ME1: variants seen among roughly 807,000 people sequenced by gnomAD.
ME1 encodes malic enzyme 1.
Under a neutral mutation model 66.4 loss-of-function variants are expected in ME1, and 74 were observed. The ratio of observed to expected loss-of-function variants is 1.11; its 90% confidence interval spans 0.92 to 1.35. The LOEUF (loss-of-function observed/expected upper bound fraction) is 1.35, where lower values mean the gene tolerates loss of function less well. Among genes scored for constraint, ME1 ranks in the 40% most tolerant of loss-of-function variants. The pLI is 0.00. For synonymous variants in ME1, 251 were observed against 235.6 expected (o/e 1.07, Z -0.60); for missense variants, 750 against 694.1 (o/e 1.08, Z -0.90).
rs549935151 is a variant in ME1, at chr6:83,344,807, C to T, written c.600+1366G>A. On this transcript the variant is annotated intron_variant, in intron 5 of 13. Coordinates refer to ENST00000369705, the MANE Select transcript of ME1 (RefSeq NM_002395.6). ...CTGAGGCAGGAGAATCGCTTGAACC[C>T]GGGAGGCGGAGGTTGCAGTGAGCGG... Among the ~76,000 whole-genome samples, 15 of 151,736 alleles carry T rather than the reference C, an allele frequency of 9.9e-5. No homozygotes were observed. The East Asian group carries it at 2.1e-3, about 22-fold the overall frequency.
At chr6:83,365,931 T>C (rs569139121) in intron 3 of ME1, among the ~76,000 whole-genome samples, 14 of 152,308 alleles carry the variant, frequency 9.2e-5, no homozygotes, top group Admixed American at 2.6e-4. Context: ...TCAGTCTTCA[T>C]AGTCTCTTTG....
At chr6:83,395,219 C>G (rs1240690991) in intron 3 of ME1, among the ~76,000 whole-genome samples, 1 of 151,796 alleles carries the variant, frequency 6.6e-6, no homozygotes, top group East Asian at 1.9e-4. Context: ...TCCCTAGTAG[C>G]TGGGATTACA....
At chr6:83,315,446 A>T (rs1052644860) in intron 5 of ME1, 33 bp from the exon 6 acceptor site, 1 of 1,216,856 alleles carries the variant, frequency 8.2e-7, no homozygotes, top group South Asian at 1.3e-5. Context: ...AAATAGAAAT[A>T]ACTATAACCA....
Position 83,330,959 on chromosome 6 carries a change from A to G in ME1, c.600+15214T>C, listed in dbSNP as rs78717755. ...TGATGACTGGTATTCATTCCAATAC[A>G]GGATCACTTGTCTGAAGTGGCAAGG... is the stretch of plus-strand genomic sequence containing the variant. On this transcript the variant is annotated intron_variant, in intron 5 of 13. Coordinates refer to ENST00000369705, the MANE Select transcript of ME1 (RefSeq NM_002395.6). Among the ~76,000 whole-genome samples the G allele has an allele frequency of 5.3e-3, 801 of 152,322 alleles. 7 individuals are homozygous for G. Among genetic ancestry groups the G allele is most frequent in the African/African-American group, 0.018 (756 of 41,568 alleles).
intron 6 of ME1, among the ~76,000 whole-genome samples, chr6:83,287,012 G>A (rs1583358121): frequency 6.6e-6 from 1 of 152,130 alleles, no homozygotes; most frequent in South Asian, 2.1e-4. Flanking sequence ...TATATGAACT[G>A]TAAAAATAAT....
At chr6:83,307,421 C>T (rs1267342530) in intron 6 of ME1, among the ~76,000 whole-genome samples, 1 of 152,030 alleles carries the variant, frequency 6.6e-6, no homozygotes, top group African/African-American at 2.4e-5. Context: ...ACATTCTTTG[C>T]ATTTTATTTT....
intron 5 of ME1, among the ~76,000 whole-genome samples, chr6:83,327,796 T>A (rs1145903): frequency 6.6e-6 from 1 of 151,980 alleles, no homozygotes. Context: ...AAATCCCTAA[T>A]AAAAACTTGC....
At chr6:83,298,768 T>G (rs1424763338) in intron 6 of ME1, among the ~76,000 whole-genome samples, 1 of 151,918 alleles carries the variant, frequency 6.6e-6, no homozygotes, top group Non-Finnish European at 1.5e-5. Context: ...GGGTCCAGTT[T>G]CAGTTTTCTG....
At chr6:83,379,620 G>C (rs1268692198) in intron 3 of ME1, among the ~76,000 whole-genome samples, 2 of 151,632 alleles carry the variant, frequency 1.3e-5, no homozygotes, top group East Asian at 1.9e-4. Context: ...ACATTTGCTT[G>C]GTTTTTTGAA....
At chr6:83,228,403 A>G (rs2128524013) in intron 10 of ME1, among the ~76,000 whole-genome samples, 1 of 152,274 alleles carries the variant, frequency 6.6e-6, no homozygotes, top group African/African-American at 2.4e-5. Context: ...TAGTAGAATC[A>G]TTCCGCTGCC....
chr6:83,264,625 A>T (rs1174084489), intron 6 of ME1, among the ~76,000 whole-genome samples: 1 of 152,200 alleles, frequency 6.6e-6, no homozygotes, highest in Non-Finnish European at 1.5e-5. Flanking sequence ...ACCCTCATGG[A>T]TGACTTTGAG....
At chr6:83,298,931 G>GGTTTTTTTTTTTTTTTTTTTT in intron 6 of ME1, among the ~76,000 whole-genome samples, 1 of 22,458 alleles carries the variant, frequency 4.5e-5, no homozygotes, top group South Asian at 2.8e-3. Flanking sequence ...CTATGTGTCT[G>GGTTTTTTTTTTTTTTTTTTTT]TTTTTTTTTT....
chr6:83,374,319 T>C (rs1243304584), intron 3 of ME1, among the ~76,000 whole-genome samples: 2 of 152,236 alleles, frequency 1.3e-5, no homozygotes, highest in African/African-American at 4.8e-5. Context: ...TAGTTTCTTA[T>C]TGTGGTTTTG....
Position 83,223,845 on chromosome 6 carries a change from G to C in ME1, c.1364C>G (p.Ser455Cys). The C allele has an allele frequency of 6.2e-7, 1 of 1,613,956 alleles. No individual in the cohort carries two copies. Among genetic ancestry groups the C allele is most frequent in the Non-Finnish European group, 8.5e-7 (1 of 1,179,904 alleles). Residue 455 changes from serine (S) to cysteine (C), a missense_variant, in exon 12 of 14, where the codon TCC becomes TGC. Transcript: ENST00000369705. The part of the protein sequence containing the change: ...QTLYPGQGNN[S>C]YVFPGVALGV... ...AAGAGCAACTCCAGGGAACACATAG[G>C]AATTGTTGCCTTGGCCAGGATATAG...
chr6:83,295,992 C>T (rs539799219), intron 6 of ME1, among the ~76,000 whole-genome samples: 10 of 152,174 alleles, frequency 6.6e-5, no homozygotes, highest in African/African-American at 2.2e-4. Flanking sequence ...CCTGAACAGA[C>T]CAATAATGAG....
intron 9 of ME1, among the ~76,000 whole-genome samples, chr6:83,237,271 GAAA>G (rs1562455235): frequency 8.2e-5 from 6 of 73,406 alleles, no homozygotes; most frequent in Middle Eastern, 9.8e-3. Flanking sequence ...AAGAAAGAAA[GAAA>G]GAAAGGAAGG....
chr6:83,314,108 A>G (rs1290684365), intron 6 of ME1, among the ~76,000 whole-genome samples: 4 of 152,244 alleles, frequency 2.6e-5, no homozygotes, highest in East Asian at 3.8e-4. Flanking sequence ...GTGGCTACAC[A>G]GTAACCAAGG....
At chr6:83,215,906 G>T (rs1224154700) in intron 13 of ME1, among the ~76,000 whole-genome samples, 2 of 152,108 alleles carry the variant, frequency 1.3e-5, no homozygotes, top group Non-Finnish European at 2.9e-5. Flanking sequence ...CAATTACACT[G>T]CAAAAAAAGT....
intron 13 of ME1, 97 bp downstream of exon 13, chr6:83,216,401 T>C: frequency 1.2e-6 from 1 of 852,486 alleles, no homozygotes; most frequent in East Asian, 2.4e-5. Flanking sequence ...TTGATACAGA[T>C]ATACATTTCA....
Sources: allele counts gnomAD v4.1 joint callset (sites outside exome capture counted in the v4.1 genomes callset), GRCh38; gene constraint gnomAD v4.1.1; transcripts MANE v1.5; gene names NCBI Gene and HGNC (gene_info 2026-07-23, HGNC 2026-07-21).